Variants in AUTS2 observed in about 807,000 individuals in gnomAD.
AUTS2 encodes autism susceptibility gene 2 protein.
AUTS2 carries 17 observed loss-of-function variants against 112.4 expected under a neutral mutation model. The observed-to-expected ratio is 0.15, with a 90% confidence interval of 0.10 to 0.23. AUTS2 has a LOEUF of 0.23. Among genes scored for constraint, AUTS2 ranks in the 10% least tolerant of loss-of-function variants. AUTS2 has a pLI of 1.00. For missense variants in AUTS2, 1,510 were observed against 1,701.6 expected, an observed-to-expected ratio of 0.89 and a Z score of 1.98; for synonymous variants, 751 against 702.7, an observed-to-expected ratio of 1.07 and a Z score of -1.09.
chr7:70,262,353 C>T (rs553577865), intron 4 of AUTS2, among the ~76,000 whole-genome samples: 3 of 152,032 alleles, frequency 2.0e-5, no homozygotes, highest in Admixed American at 6.6e-5. Flanking sequence ...CCACACCCAA[C>T]CAATTTTTGT....
At chr7:70,710,994 T>C (rs927940269) in intron 6 of AUTS2, among the ~76,000 whole-genome samples, 2 of 152,236 alleles carry the variant, frequency 1.3e-5, no homozygotes, top group African/African-American at 2.4e-5. Flanking sequence ...ACTCCGGTTG[T>C]AAAGAGGCAG....
chr7:70,161,460 G>T (rs1340557879), intron 4 of AUTS2, among the ~76,000 whole-genome samples: 1 of 151,058 alleles, frequency 6.6e-6, no homozygotes, highest in African/African-American at 2.4e-5. Flanking sequence ...TTTTTAAGTC[G>T]CTTTTGGAGG....
At chr7:69,965,753 T>C (rs1797611897) in intron 2 of AUTS2, among the ~76,000 whole-genome samples, 1 of 152,144 alleles carries the variant, frequency 6.6e-6, no homozygotes, top group South Asian at 2.1e-4. Flanking sequence ...CCATAGACTC[T>C]CTTTTCTACC....
intron 2 of AUTS2, among the ~76,000 whole-genome samples, chr7:70,103,725 T>A (rs1038933553): frequency 3.3e-5 from 5 of 151,518 alleles, no homozygotes; most frequent in Non-Finnish European, 5.9e-5. Context: ...GCCAACATGG[T>A]GAAACCCCTA....
At chr7:69,643,770 A>G (rs777043233) in intron 1 of AUTS2, among the ~76,000 whole-genome samples, 8 of 152,014 alleles carry the variant, frequency 5.3e-5, no homozygotes, top group Non-Finnish European at 1.2e-4. Context: ...AGTGAATTGT[A>G]TTCTCCACCC....
At chr7:70,565,214 T>C (rs1199145966) in intron 5 of AUTS2, among the ~76,000 whole-genome samples, 1 of 152,194 alleles carries the variant, frequency 6.6e-6, no homozygotes, top group African/African-American at 2.4e-5. Context: ...TAAAATGATA[T>C]GTCTGGGATT....
At chr7:70,544,926 C>T (rs965051716) in intron 5 of AUTS2, among the ~76,000 whole-genome samples, 4 of 152,082 alleles carry the variant, frequency 2.6e-5, no homozygotes, top group African/African-American at 9.7e-5. Context: ...GAGCGTGATC[C>T]AAGGAGCCTG....
intron 2 of AUTS2, among the ~76,000 whole-genome samples, chr7:69,932,509 G>A (rs895542502): frequency 6.6e-6 from 1 of 152,222 alleles, no homozygotes; most frequent in Non-Finnish European, 1.5e-5. Flanking sequence ...TGTAGCTACA[G>A]GTATTGACAG....
At chr7:70,474,854 T>C (rs539068550) in intron 5 of AUTS2, among the ~76,000 whole-genome samples, 71 of 152,336 alleles carry the variant, frequency 4.7e-4, no homozygotes, top group Non-Finnish European at 5.9e-4. Context: ...ACGGAAGCTG[T>C]TGATCAGGAA....
intron 5 of AUTS2, among the ~76,000 whole-genome samples, chr7:70,465,690 C>T (rs1209207944): frequency 1.3e-5 from 2 of 152,148 alleles, no homozygotes; most frequent in African/African-American, 4.8e-5. Context: ...CACAAAGACT[C>T]GTGATTGGGT....
rs75564961 is a variant in AUTS2 at position 70,659,673 on chromosome 7, A to T, written c.691-38896A>T. 4.0e-3 allele frequency among the ~76,000 whole-genome samples: 605 copies of T among 152,252 alleles called. 10 individuals carry two copies. Among genetic ancestry groups the T allele is most frequent in the South Asian group, 0.036 (175 of 4,830 alleles). ...GACCTGGAACTGTTATGGCTGGGAA[A>T]AAAAGAGATCAGAGTCCCTGCCTTT... On this transcript the variant is annotated intron_variant, in intron 5 of 18. Coordinates refer to ENST00000342771, the MANE Select transcript of AUTS2 (RefSeq NM_015570.4).
chr7:69,760,855 G>A (rs994994102), intron 1 of AUTS2, among the ~76,000 whole-genome samples: 3 of 152,136 alleles, frequency 2.0e-5, no homozygotes, highest in Admixed American at 2.0e-4. Context: ...TGACAGTAAA[G>A]CATCTCCCCA....
At chr7:70,463,110 G>A (rs969629282) in intron 5 of AUTS2, among the ~76,000 whole-genome samples, 4 of 132,616 alleles carry the variant, frequency 3.0e-5, no homozygotes, top group Non-Finnish European at 6.7e-5. Context: ...GATGAAAGGT[G>A]GGTTTAGATC....
chr7:70,006,104 C>T (rs912396644), intron 2 of AUTS2, among the ~76,000 whole-genome samples: 4 of 152,138 alleles, frequency 2.6e-5, no homozygotes, highest in Non-Finnish European at 5.9e-5. Flanking sequence ...GTGCCCCGTC[C>T]TCAGAACATT....
intron 4 of AUTS2, among the ~76,000 whole-genome samples, chr7:70,159,682 G>A (rs900182936): frequency 6.6e-6 from 1 of 152,138 alleles, no homozygotes; most frequent in Non-Finnish European, 1.5e-5. Context: ...CAAGGAAGAA[G>A]CAGATAATCT....
intron 2 of AUTS2, among the ~76,000 whole-genome samples, chr7:69,994,730 C>G (rs1798872971): frequency 6.6e-6 from 1 of 152,204 alleles, no homozygotes; most frequent in Non-Finnish European, 1.5e-5. Flanking sequence ...AGATGCTTCT[C>G]TGTCTTCAGG....
At chr7:70,056,976 A>C (rs1349134583) in intron 2 of AUTS2, among the ~76,000 whole-genome samples, 2 of 152,146 alleles carry the variant, frequency 1.3e-5, no homozygotes, top group Admixed American at 1.3e-4. Context: ...TTCTCCCAGC[A>C]TTATTTCTTA....
chr7:70,294,680 C>T (rs181251153), intron 4 of AUTS2, among the ~76,000 whole-genome samples: 372 of 152,220 alleles, frequency 2.4e-3, no homozygotes, highest in African/African-American at 8.4e-3. Flanking sequence ...TTTGGACAGG[C>T]GAATATGAGC....
chr7:69,773,975 C>T (rs1788785352), intron 1 of AUTS2, among the ~76,000 whole-genome samples: 3 of 152,184 alleles, frequency 2.0e-5, no homozygotes, highest in Admixed American at 1.3e-4. Context: ...AGTTGGGAGG[C>T]GAACTTCTAC....
Sources: gnomAD v4.1 joint callset for allele counts (sites outside exome capture counted in the v4.1 genomes callset) on GRCh38, gnomAD v4.1.1 for gene constraint, MANE v1.5 for transcripts, NCBI Gene and HGNC (gene_info 2026-07-23, HGNC 2026-07-21) for gene names.